CTNND1: variants seen among roughly 807,000 people sequenced by gnomAD.
CTNND1 encodes the protein catenin delta-1.
In CTNND1, 16 loss-of-function variants were observed where a neutral mutation model predicts 112.1. The ratio of observed to expected loss-of-function variants is 0.14; its 90% confidence interval spans 0.10 to 0.22. CTNND1 has a LOEUF of 0.22. Ranked by LOEUF, CTNND1 falls within the 10% of genes least tolerant of loss-of-function variation. The probability of loss-of-function intolerance (pLI) is 1.00; values close to 1 mark genes in which losing one functional copy is unlikely to be tolerated. For missense variants in CTNND1, 1,008 were observed against 1,257.0 expected (o/e 0.80, Z 3.00); for synonymous variants, 420 against 446.5 (o/e 0.94, Z 0.75).
At chr11:57,812,774 G>A (rs1414689253) in intron 17 of CTNND1, among the ~76,000 whole-genome samples, 2 of 152,102 alleles carry the variant, frequency 1.3e-5, no homozygotes, top group African/African-American at 4.8e-5. Context: ...CCTTGGCCAA[G>A]TGTTAGGATT....
intron 18 of CTNND1, among the ~76,000 whole-genome samples, chr11:57,814,715 C>G (rs1160692706): frequency 6.6e-6 from 1 of 152,032 alleles, no homozygotes; most frequent in Non-Finnish European, 1.5e-5. Context: ...GCTATTCTAT[C>G]TATTCACTCT....
At chr11:57,767,586 G>A (rs1470682180) in intron 1 of CTNND1, among the ~76,000 whole-genome samples, 1 of 152,040 alleles carries the variant, frequency 6.6e-6, no homozygotes, top group Non-Finnish European at 1.5e-5. Flanking sequence ...GTATGGATGG[G>A]GAGCTAGACT....
At chr11:57,766,106 AAATAAT>A (rs1244861745) in intron 1 of CTNND1, among the ~76,000 whole-genome samples, 2 of 152,136 alleles carry the variant, frequency 1.3e-5, no homozygotes, top group East Asian at 3.8e-4. Context: ...CTATCTCAAA[AAATAAT>A]AATAATAAAT....
In CTNND1 at chr11:57,802,142, C is replaced by T. The variant is rs1355468135; in HGVS notation, c.1366C>T (p.Leu456Phe). Residue 456 changes from leucine to phenylalanine, a missense_variant, in exon 7 of 21, where the codon CTT becomes TTT. Physicochemically the swap from Leu to Phe is conservative, Grantham distance 22. This residue lies in a region of CTNND1 where 216 missense variants were observed against 342.8 expected (regional missense o/e 0.63). Transcript: ENST00000399050. ...AIKNCDGVPA[L>F]VRLLRKARDM... The stretch of plus-strand genomic sequence containing the variant: ...AAAAAACTGTGATGGTGTGCCTGCC[C>T]TTGTGCGATTGCTTCGAAAGGCTCG... 1 of 1,613,932 alleles carries T rather than the reference C, an allele frequency of 6.2e-7. No homozygotes were observed. The highest frequency in any genetic ancestry group is 8.5e-7 in the Non-Finnish European group (1 of 1,179,870).
At chr11:57,800,793 T>A (rs907295779) in intron 6 of CTNND1, among the ~76,000 whole-genome samples, 8 of 152,218 alleles carry the variant, frequency 5.3e-5, no homozygotes, top group Admixed American at 1.3e-4. Flanking sequence ...CAGAAAGAGA[T>A]GAGCTCACAG....
At chr11:57,802,246 G>A in intron 7 of CTNND1, 50 bp downstream of exon 7, 7 of 1,451,838 alleles carry the variant, frequency 4.8e-6, no homozygotes, top group Non-Finnish European at 5.7e-6. Context: ...ACTCTCTAGT[G>A]ATGTTGAGAA....
chr11:57,818,713 CTG>C lies in CTNND1; in HGVS notation c.*2406_*2407del, dbSNP rs1200275461. 3 of 152,204 alleles carry C rather than the reference CTG, an allele frequency of 2.0e-5. No individual in the cohort carries two copies. Among genetic ancestry groups the C allele is most frequent in the Non-Finnish European group, 2.9e-5 (2 of 68,032 alleles). 9.4% of individuals were successfully genotyped at this position (152,204 alleles called of 1,614,324 possible). A position where few individuals can be genotyped will look rare whatever the true frequency, so the allele number is the denominator to read the frequency against. On this transcript the variant is annotated 3_prime_UTR_variant, in exon 21 of 21. Coordinates refer to ENST00000399050, the MANE Select transcript of CTNND1 (RefSeq NM_001085458.2). ...TTATTGCTAATTTAGAGATAGGAAA[CTG>C]AAGCATAAAGAATTAATGACTTACT...
intron 6 of CTNND1, among the ~76,000 whole-genome samples, chr11:57,799,472 T>A (rs2061737519): frequency 6.6e-6 from 1 of 152,166 alleles, no homozygotes; most frequent in South Asian, 2.1e-4. Context: ...GCAAGCATAT[T>A]TGCTGCTTCC....
chr11:57,787,219 G>C (rs949648665), intron 1 of CTNND1, among the ~76,000 whole-genome samples: 7 of 152,190 alleles, frequency 4.6e-5, no homozygotes, highest in African/African-American at 1.7e-4. Flanking sequence ...TGACAGATGT[G>C]TAATGATGTG....
chr11:57,798,507 T>G (rs1242658649), intron 6 of CTNND1, among the ~76,000 whole-genome samples: 1 of 152,134 alleles, frequency 6.6e-6, no homozygotes, highest in East Asian at 1.9e-4. Flanking sequence ...GGCCTTGACA[T>G]TCTATGCTTA....
intron 4 of CTNND1, 28 bp downstream of exon 4, chr11:57,794,109 G>T: frequency 6.2e-7 from 1 of 1,601,682 alleles, no homozygotes; most frequent in Admixed American, 1.7e-5. Flanking sequence ...GACCTGGGTT[G>T]CTTCATTCAT....
chr11:57,783,866 G>A (rs1445495178), intron 1 of CTNND1, among the ~76,000 whole-genome samples: 1 of 152,070 alleles, frequency 6.6e-6, no homozygotes, highest in Admixed American at 6.5e-5. Flanking sequence ...TGTTACAGGT[G>A]CTATATTTTG....
intron 15 of CTNND1, among the ~76,000 whole-genome samples, 188 bp downstream of exon 15, chr11:57,809,654 T>A (rs2137436305): frequency 6.6e-6 from 1 of 152,372 alleles, no homozygotes; most frequent in South Asian, 2.1e-4. Context: ...TTTTCTTGTG[T>A]CGCTATTTGG....
chr11:57,804,408 A>G (rs974653911), intron 8 of CTNND1, among the ~76,000 whole-genome samples: 3 of 152,158 alleles, frequency 2.0e-5, no homozygotes, highest in African/African-American at 4.8e-5. Flanking sequence ...ATATACTTCC[A>G]TACGAGAAGT....
chr11:57,770,355 G>T (rs904067775), intron 1 of CTNND1, among the ~76,000 whole-genome samples: 34 of 150,506 alleles, frequency 2.3e-4, no homozygotes, highest in Non-Finnish European at 7.4e-5. Context: ...AAAAAAAAAA[G>T]AAAGATTTTT....
intron 1 of CTNND1, among the ~76,000 whole-genome samples, chr11:57,766,426 A>C (rs890893929): frequency 6.6e-6 from 1 of 152,266 alleles, no homozygotes; most frequent in African/African-American, 2.4e-5. Context: ...TATGAGTTTA[A>C]GAACCGAAAT....
intron 6 of CTNND1, 134 bp downstream of exon 6, chr11:57,797,126 G>A (rs1031837724): frequency 4.9e-6 from 3 of 610,664 alleles, no homozygotes; most frequent in Middle Eastern, 4.8e-4. Flanking sequence ...TTTTTGGGGT[G>A]AAAAGCTACC....
chr11:57,774,531 C>T lies in CTNND1; in HGVS notation c.-214+12412C>T, dbSNP rs117278714. 2.0e-4 allele frequency among the ~76,000 whole-genome samples: 31 copies of T among 152,212 alleles called. No homozygotes were observed. The East Asian group carries it at 6.0e-3, about 29-fold the overall frequency. On this transcript the variant is annotated intron_variant, in intron 1 of 20. Coordinates refer to ENST00000399050, the MANE Select transcript of CTNND1 (RefSeq NM_001085458.2). ...ATTTAGATTCATGCTTTCAAAGAGC[C>T]TCTAATCTAGACTGAATAATGATCT... is the stretch of plus-strand genomic sequence containing the variant.
intron 1 of CTNND1, among the ~76,000 whole-genome samples, chr11:57,778,682 T>A (rs2059264005): frequency 6.6e-6 from 1 of 152,230 alleles, no homozygotes; most frequent in Non-Finnish European, 1.5e-5. Flanking sequence ...TGCCCTGGAA[T>A]GCAGTTGGCC....
Sources: gnomAD v4.1 joint callset for allele counts (sites outside exome capture counted in the v4.1 genomes callset) on GRCh38, gnomAD v4.1.1 for gene constraint, gnomAD v4.1.1 regional missense constraint, MANE v1.5 for transcripts, NCBI Gene and HGNC (gene_info 2026-07-23, HGNC 2026-07-21) for gene names.